The following RB1 variants were observed in gnomAD, a reference collection of about 807,000 sequenced individuals.
RB1 encodes RB transcriptional corepressor 1.
RB1 carries 18 observed loss-of-function variants against 135.4 expected under a neutral mutation model. The observed-to-expected ratio is 0.13, with a 90% CI of 0.09 to 0.20. The LOEUF is 0.20. RB1 is among the 10% of genes least tolerant of loss of function. RB1 has a pLI of 1.00. For synonymous variants in RB1, 365 were observed against 373.2 expected (o/e 0.98, Z 0.25); for missense variants, 868 against 1,110.0 (o/e 0.78, Z 3.10).
intron 9 of RB1, 76 bp from the exon 10 acceptor site, chr13:48,367,418 T>G: frequency 4.2e-5 from 63 of 1,499,870 alleles, no homozygotes; most frequent in Non-Finnish European, 5.2e-5. Context: ...AATTCTTTAA[T>G]GAAATCTGTG....
At chr13:48,433,811 G>T (rs1343937237) in intron 17 of RB1, among the ~76,000 whole-genome samples, 1 of 151,274 alleles carries the variant, frequency 6.6e-6, no homozygotes. Flanking sequence ...CATCATCTTT[G>T]AATTAGTTTC....
intron 2 of RB1, among the ~76,000 whole-genome samples, chr13:48,335,230 G>C (rs1952372636): frequency 6.6e-6 from 1 of 151,012 alleles, no homozygotes; most frequent in Non-Finnish European, 1.5e-5. Flanking sequence ...AACTGTTTTG[G>C]GTTTTTATAT....
chr13:48,392,867 T>C (rs769565442), intron 17 of RB1, among the ~76,000 whole-genome samples: 2 of 152,194 alleles, frequency 1.3e-5, no homozygotes, highest in Admixed American at 6.5e-5. Context: ...TCCTGGATAT[T>C]TTTGTATTCC....
At chr13:48,391,480 G>A (rs907339829) in intron 17 of RB1, 1 of 151,948 alleles carries the variant, frequency 6.6e-6, no homozygotes, top group Non-Finnish European at 1.5e-5. Flanking sequence ...TTTGGCCAGG[G>A]GCAGTGGCTC....
chr13:48,379,728 G>A (rs1049818082), intron 14 of RB1, 78 bp downstream of exon 14: 13 of 1,516,494 alleles, frequency 8.6e-6, no homozygotes, highest in African/African-American at 5.6e-5. Flanking sequence ...TTGGGAGGCC[G>A]AGGTGGGCAG....
At chr13:48,376,335 T>C (rs944984692) in intron 12 of RB1, among the ~76,000 whole-genome samples, 19 of 152,138 alleles carry the variant, frequency 1.2e-4, no homozygotes, top group African/African-American at 4.3e-4. Context: ...ACCCCATCTC[T>C]ACTAAAGAGA....
chr13:48,401,361 A>G (rs899899597), intron 17 of RB1: 4 of 152,176 alleles, frequency 2.6e-5, no homozygotes, highest in Non-Finnish European at 5.9e-5. Context: ...AGAAACAAAG[A>G]AGAGAAATAG....
intron 17 of RB1, among the ~76,000 whole-genome samples, chr13:48,402,531 A>T (rs1247820265): frequency 6.6e-6 from 1 of 151,816 alleles, no homozygotes; most frequent in Non-Finnish European, 1.5e-5. Flanking sequence ...GTGTGAGCCA[A>T]CACACCCAGC....
chr13:48,479,804 A>G (rs1392545476), intron 26 of RB1, among the ~76,000 whole-genome samples, 194 bp from the exon 27 acceptor site: 2 of 152,206 alleles, frequency 1.3e-5, no homozygotes. Flanking sequence ...GAACATTACA[A>G]TTCTAGCTAT....
intron 12 of RB1, among the ~76,000 whole-genome samples, chr13:48,375,477 GT>G (rs1316722658): frequency 3.9e-4 from 53 of 137,028 alleles, no homozygotes; most frequent in East Asian, 6.2e-4. Flanking sequence ...TTTGTGTGCT[GT>G]TTTTTTTTTT....
intron 24 of RB1, among the ~76,000 whole-genome samples, chr13:48,475,033 C>T (rs1208202801): frequency 2.0e-5 from 3 of 152,018 alleles, no homozygotes; most frequent in African/African-American, 4.8e-5. Flanking sequence ...ACCACCATGT[C>T]CAGCTAATTT....
chr13:48,462,328 T>C (rs969040614), intron 20 of RB1, among the ~76,000 whole-genome samples: 1 of 151,398 alleles, frequency 6.6e-6, no homozygotes, highest in African/African-American at 2.4e-5. Context: ...TTTTGCCGTG[T>C]TGCTCAGGCT....
At chr13:48,443,657 C>T (rs1949259705) in intron 17 of RB1, among the ~76,000 whole-genome samples, 1 of 152,200 alleles carries the variant, frequency 6.6e-6, no homozygotes, top group Non-Finnish European at 1.5e-5. Context: ...CTTAAATTAA[C>T]TAGCTTTTAT....
chr13:48,388,665 C>T (rs1261786664), intron 17 of RB1, among the ~76,000 whole-genome samples: 2 of 152,100 alleles, frequency 1.3e-5, no homozygotes, highest in Non-Finnish European at 2.9e-5. Flanking sequence ...AATCCTTATG[C>T]TTTGCTGAGT....
intron 17 of RB1, chr13:48,412,577 C>T (rs1332561342): frequency 1.2e-5 from 8 of 650,280 alleles, no homozygotes; most frequent in Non-Finnish European, 2.0e-5. Context: ...CTCAGAAATA[C>T]CCAAAAGAAA....
In RB1 at chr13:48,303,948, C is replaced by CGCCGCCGCT. The variant is rs572454921; in HGVS notation, c.45_53dup (p.Ala16_Ala18dup). The CGCCGCCGCT allele has an allele frequency of 6.6e-7, 1 of 1,509,404 alleles. No individual in the cohort carries two copies. The highest frequency in any genetic ancestry group is 8.8e-7 in the Non-Finnish European group (1 of 1,136,422). The allele number at this position is 1,509,404 out of a possible 1,614,324, so 93.5% of individuals were successfully genotyped here. ...AAACCCCCCGAAAAACGGCCGCCACCGCCGCCGCTGCCGCCGCGGAACCCC... is the reference window on the plus strand; with the variant it reads ...AAACCCCCCGAAAAACGGCCGCCACCGCCGCCGCTGCCGCCGCTGCCGCCGCGGAACCCC... On this transcript the variant is annotated inframe_insertion, in exon 1 of 27. Coordinates refer to ENST00000267163, the MANE Select transcript of RB1 (RefSeq NM_000321.3).
At chr13:48,399,878 C>T (rs886649898) in intron 17 of RB1, among the ~76,000 whole-genome samples, 3 of 151,962 alleles carry the variant, frequency 2.0e-5, no homozygotes, top group Non-Finnish European at 4.4e-5. Flanking sequence ...AACACTCTGA[C>T]ATATGAAAAA....
At chr13:48,394,558 T>C (rs1448494093) in intron 17 of RB1, among the ~76,000 whole-genome samples, 2 of 152,156 alleles carry the variant, frequency 1.3e-5, no homozygotes, top group African/African-American at 4.8e-5. Flanking sequence ...ATGGTAGAGC[T>C]AGGTAGGGGG....
At chr13:48,415,190 A>G (rs12583617) in intron 17 of RB1, among the ~76,000 whole-genome samples, 2,767 of 152,160 alleles carry the variant, frequency 0.018, 71 homozygotes, top group African/African-American at 0.059. Flanking sequence ...TATTAATTCT[A>G]CTTGGAATAT....
Sources: allele counts gnomAD v4.1 joint callset (sites outside exome capture counted in the v4.1 genomes callset), GRCh38; gene constraint gnomAD v4.1.1; transcripts MANE v1.5; gene names NCBI Gene and HGNC (gene_info 2026-07-23, HGNC 2026-07-21).